Variants in APBA1 observed in about 807,000 individuals in gnomAD.
APBA1 encodes amyloid-beta A4 precursor protein-binding family A member 1.
Under a neutral mutation model 86.6 loss-of-function variants are expected in APBA1, and 55 were observed. The ratio of observed to expected loss-of-function variants is 0.64; its 90% confidence interval spans 0.51 to 0.80. APBA1 has a LOEUF of 0.80. APBA1 is among the 30% of genes least tolerant of loss of function. The pLI is 0.00. For synonymous variants in APBA1, 511 were observed against 493.9 expected, an observed-to-expected ratio of 1.03 and a Z score of -0.46; for missense variants, 1,090 against 1,183.0, an observed-to-expected ratio of 0.92 and a Z score of 1.15.
chr9:69,543,242 G>C (rs1387038249), intron 1 of APBA1, among the ~76,000 whole-genome samples: 5 of 150,012 alleles, frequency 3.3e-5, no homozygotes, highest in Non-Finnish European at 7.4e-5. Flanking sequence ...CTGGCAGCTG[G>C]CCCTCCACTT....
rs145972842 is a variant in APBA1, at chr9:69,572,253, C to G, written c.-69-54974G>C. Among the ~76,000 whole-genome samples the G allele has an allele frequency of 8.5e-5, 13 of 152,260 alleles. No homozygotes were observed. In the East Asian group the frequency reaches 2.1e-3, roughly 25 times the overall value. On this transcript the variant is annotated intron_variant, in intron 1 of 12. Coordinates refer to ENST00000265381, the MANE Select transcript of APBA1 (RefSeq NM_001163.4). ...TGCTCTCCCAACGTGTGCCGTCCCC[C>G]CTGACAGGCCCCAGTGTGTGTTTTC...
intron 1 of APBA1, among the ~76,000 whole-genome samples, chr9:69,655,532 T>C (rs928037510): frequency 1.3e-5 from 2 of 152,084 alleles, no homozygotes; most frequent in Admixed American, 1.3e-4. Flanking sequence ...TTAGCAAGGA[T>C]GTAAAAGATC....
intron 1 of APBA1, among the ~76,000 whole-genome samples, chr9:69,658,274 TTCTTTCTTTCTCTC>T (rs1823664196): frequency 1.5e-5 from 1 of 68,266 alleles, no homozygotes; most frequent in Non-Finnish European, 3.1e-5. Context: ...CTTTCTTTCT[TTCTTTCTTTCTCTC>T]TCTCTTTCTC....
chr9:69,628,016 T>A (rs374753045), intron 1 of APBA1, among the ~76,000 whole-genome samples: 1 of 151,956 alleles, frequency 6.6e-6, no homozygotes, highest in Non-Finnish European at 1.5e-5. Context: ...TTCTAATCAA[T>A]AGAATAGAAC....
intron 1 of APBA1, among the ~76,000 whole-genome samples, chr9:69,584,516 GGCAAGTTACTTAACCTCTCTGT>G (rs1296088163): frequency 1.3e-5 from 2 of 152,180 alleles, no homozygotes; most frequent in African/African-American, 4.8e-5. Context: ...TATGACCTTA[GGCAAGTTACTTAACCTCTCTGT>G]GCTCCAACTT....
At chr9:69,610,798 A>T (rs906882257) in intron 1 of APBA1, among the ~76,000 whole-genome samples, 1 of 152,178 alleles carries the variant, frequency 6.6e-6, no homozygotes, top group East Asian at 1.9e-4. Context: ...AAGGCATGCC[A>T]GGTTCTCCAG....
chr9:69,492,337 T>G (rs1835727633), intron 2 of APBA1, among the ~76,000 whole-genome samples: 1 of 152,132 alleles, frequency 6.6e-6, no homozygotes, highest in South Asian at 2.1e-4. Context: ...CGGCAAAGCA[T>G]TCAAGTCTTT....
intron 1 of APBA1, among the ~76,000 whole-genome samples, chr9:69,531,668 TAGG>T (rs1322036072): frequency 3.3e-5 from 5 of 152,144 alleles, no homozygotes; most frequent in East Asian, 3.9e-4. Flanking sequence ...GGTAAATCAG[TAGG>T]AGAAGTTGCC....
At chr9:69,661,611 C>CA (rs1313337060) in intron 1 of APBA1, among the ~76,000 whole-genome samples, 1 of 7,080 alleles carries the variant, frequency 1.4e-4, no homozygotes, top group African/African-American at 1.5e-4. Context: ...GGTTCATCCC[C>CA]ACAAAATTCA....
chr9:69,605,439 G>A (rs978997975), intron 1 of APBA1, among the ~76,000 whole-genome samples: 14 of 152,300 alleles, frequency 9.2e-5, no homozygotes, highest in Admixed American at 6.5e-5. Context: ...ACATATTGTT[G>A]AAATTAGCTT....
chr9:69,606,680 G>T (rs1822481672), intron 1 of APBA1, among the ~76,000 whole-genome samples: 1 of 151,730 alleles, frequency 6.6e-6, no homozygotes. Flanking sequence ...TTTTAGTAGA[G>T]ACAGGGTTTC....
chr9:69,547,449 T>G (rs1326060356), intron 1 of APBA1, among the ~76,000 whole-genome samples: 1 of 152,148 alleles, frequency 6.6e-6, no homozygotes, highest in Non-Finnish European at 1.5e-5. Flanking sequence ...GACTTCCATT[T>G]ATATCTCCTC....
At chr9:69,476,914 C>T (rs1835457242) in intron 2 of APBA1, among the ~76,000 whole-genome samples, 1 of 152,164 alleles carries the variant, frequency 6.6e-6, no homozygotes. Flanking sequence ...GGTCAGTGTA[C>T]ACAGAAGGTG....
intron 1 of APBA1, among the ~76,000 whole-genome samples, chr9:69,653,519 A>C: frequency 6.6e-6 from 1 of 152,206 alleles, no homozygotes; most frequent in East Asian, 1.9e-4. Flanking sequence ...ATTTTCCTCA[A>C]CACCACATGA....
chr9:69,523,484 T>TATATATATATATAC (rs1466018398), intron 1 of APBA1, among the ~76,000 whole-genome samples: 60 of 8,900 alleles, frequency 6.7e-3, no homozygotes, highest in African/African-American at 0.013. Context: ...TATGTATATA[T>TATATATATATATAC]ATATATATAT....
intron 1 of APBA1, among the ~76,000 whole-genome samples, chr9:69,629,463 T>C (rs914451971): frequency 1.3e-5 from 2 of 152,186 alleles, no homozygotes; most frequent in Non-Finnish European, 2.9e-5. Context: ...AAAACAGGCA[T>C]AATATCTATG....
At chr9:69,574,389 TC>T (rs1821737239) in intron 1 of APBA1, among the ~76,000 whole-genome samples, 1 of 152,194 alleles carries the variant, frequency 6.6e-6, no homozygotes, top group Non-Finnish European at 1.5e-5. Context: ...GGACCTTTCT[TC>T]GCAAACAACT....
intron 1 of APBA1, among the ~76,000 whole-genome samples, chr9:69,660,421 G>A (rs1823732395): frequency 6.6e-6 from 1 of 152,176 alleles, no homozygotes; most frequent in Non-Finnish European, 1.5e-5. Flanking sequence ...TCCCTATAGT[G>A]GCAGGATACC....
chr9:69,513,522 C>T (rs1246693730), intron 2 of APBA1, among the ~76,000 whole-genome samples: 1 of 152,186 alleles, frequency 6.6e-6, no homozygotes. Flanking sequence ...CTATTTCCAC[C>T]TCATTTGCAA....
Sources: gnomAD v4.1 joint callset for allele counts (sites outside exome capture counted in the v4.1 genomes callset) on GRCh38, gnomAD v4.1.1 for gene constraint, MANE v1.5 for transcripts, NCBI Gene and HGNC (gene_info 2026-07-23, HGNC 2026-07-21) for gene names.